DKK2: variants seen among roughly 807,000 people sequenced by gnomAD.
DKK2 encodes dickkopf Wnt signaling pathway inhibitor 2.
In DKK2, 11 loss-of-function variants were observed where a neutral mutation model predicts 28.1. The ratio of observed to expected loss-of-function variants is 0.39; its 90% confidence interval spans 0.25 to 0.65. DKK2 has a LOEUF of 0.65. DKK2 is among the 30% of genes least tolerant of loss of function. The pLI is 0.47. For missense variants in DKK2, 326 were observed against 335.5 expected (o/e 0.97, Z 0.22); for synonymous variants, 135 against 126.5 (o/e 1.07, Z -0.45).
chr4:106,938,210 A>C (rs1289721504), intron 1 of DKK2, among the ~76,000 whole-genome samples: 3 of 150,154 alleles, frequency 2.0e-5, no homozygotes, highest in African/African-American at 7.4e-5. Flanking sequence ...AACAAAATTG[A>C]TAGACCGCTA....
At chr4:106,979,860 C>A (rs1352983295) in intron 1 of DKK2, among the ~76,000 whole-genome samples, 1 of 152,184 alleles carries the variant, frequency 6.6e-6, no homozygotes, top group Non-Finnish European at 1.5e-5. Flanking sequence ...GTTTGCTCAG[C>A]CATGACATTG....
intron 1 of DKK2, among the ~76,000 whole-genome samples, chr4:107,024,419 T>C (rs17037243): frequency 0.24 from 36,031 of 151,996 alleles, 4,656 homozygotes; most frequent in East Asian, 0.53. Flanking sequence ...TACTAATTTT[T>C]AAAACAAATC....
chr4:106,971,339 C>T (rs1322251608), intron 1 of DKK2, among the ~76,000 whole-genome samples: 1 of 152,040 alleles, frequency 6.6e-6, no homozygotes, highest in Non-Finnish European at 1.5e-5. Flanking sequence ...ATAGTAGCCC[C>T]AGAATTCACT....
Position 106,964,999 on chromosome 4 carries a change from AGATAGATT to A in DKK2, c.223-39058_223-39051del, listed in dbSNP as rs1179157274. On this transcript the variant is annotated intron_variant, in intron 1 of 3. Transcript: ENST00000285311. Reference sequence around the variant, plus strand: ...TAGATAGATAGATAGATAGATAGATAGATAGATTGATTGATTCTGATTCTCTGGAAACT... The same window carrying A: ...TAGATAGATAGATAGATAGATAGATAGATTGATTCTGATTCTCTGGAAACT... 9.9e-3 allele frequency among the ~76,000 whole-genome samples: 1,485 copies of A among 149,852 alleles called. 16 individuals carry two copies. Among genetic ancestry groups the A allele is most frequent in the African/African-American group, 0.025 (1,013 of 39,868 alleles).
chr4:107,027,756 A>ATTTTTTTTTTTTTTTTTTTTTTTTTTTTT (rs71590176), intron 1 of DKK2, among the ~76,000 whole-genome samples: 9 of 135,302 alleles, frequency 6.7e-5, no homozygotes, highest in African/African-American at 2.2e-4. Context: ...ACCTATTATG[A>ATTTTTTTTTTTTTTTTTTTTTTTTTTTTT]TTTTTTTTTT....
chr4:106,954,272 C>A (rs1289844625), intron 1 of DKK2, among the ~76,000 whole-genome samples: 2 of 152,094 alleles, frequency 1.3e-5, no homozygotes, highest in African/African-American at 4.8e-5. Flanking sequence ...TGCATATGAA[C>A]TTCAAAGTTT....
chr4:107,025,251 A>G (rs111492091), intron 1 of DKK2, among the ~76,000 whole-genome samples: 54 of 152,126 alleles, frequency 3.5e-4, no homozygotes, highest in African/African-American at 1.2e-3. Flanking sequence ...ACAGTGCCCC[A>G]AGTTCTCTGC....
At chr4:106,985,763 C>T (rs1244798668) in intron 1 of DKK2, among the ~76,000 whole-genome samples, 2 of 146,020 alleles carry the variant, frequency 1.4e-5, no homozygotes, top group Non-Finnish European at 3.0e-5. Context: ...GAGCTGAGAT[C>T]ACAGATTGCA....
intron 1 of DKK2, among the ~76,000 whole-genome samples, chr4:106,947,567 C>T (rs567398780): frequency 1.2e-4 from 18 of 152,036 alleles, no homozygotes; most frequent in South Asian, 4.2e-4. Flanking sequence ...ATATCTGTAC[C>T]GTACCTTCTC....
intron 1 of DKK2, among the ~76,000 whole-genome samples, chr4:106,953,642 T>C (rs751899087): frequency 5.3e-5 from 8 of 152,188 alleles, no homozygotes; most frequent in Admixed American, 5.2e-4. Flanking sequence ...CAGAGGCTAC[T>C]GAGAGAATAC....
intron 1 of DKK2, among the ~76,000 whole-genome samples, chr4:106,985,110 G>A (rs1723096672): frequency 6.6e-6 from 1 of 151,556 alleles, no homozygotes; most frequent in Admixed American, 6.6e-5. Flanking sequence ...TAGGCAGGCT[G>A]AGGCAGGAGA....
intron 1 of DKK2, among the ~76,000 whole-genome samples, chr4:106,968,420 A>T (rs774131382): frequency 3.9e-5 from 6 of 152,126 alleles, no homozygotes; most frequent in Non-Finnish European, 7.4e-5. Context: ...GTTCTCACAC[A>T]AGCCTTCTCT....
intron 1 of DKK2, among the ~76,000 whole-genome samples, chr4:106,957,339 G>C (rs1722609576): frequency 6.6e-6 from 1 of 151,894 alleles, no homozygotes. Flanking sequence ...GTGGAAGTCA[G>C]TGTGGCGATT....
intron 1 of DKK2, among the ~76,000 whole-genome samples, chr4:106,958,752 G>T (rs1452155270): frequency 1.3e-5 from 2 of 149,774 alleles, no homozygotes; most frequent in Admixed American, 6.8e-5. Context: ...CAGGAGAATC[G>T]CCTGAACCCC....
At chr4:106,988,461 C>T (rs1723157521) in intron 1 of DKK2, among the ~76,000 whole-genome samples, 1 of 152,100 alleles carries the variant, frequency 6.6e-6, no homozygotes, top group Admixed American at 6.5e-5. Context: ...ATTATGTACC[C>T]AAAAGATTCC....
At chr4:106,937,286 TG>T (rs1724606000) in intron 1 of DKK2, among the ~76,000 whole-genome samples, 1 of 133,878 alleles carries the variant, frequency 7.5e-6, no homozygotes, top group South Asian at 2.6e-4. Flanking sequence ...ACCAAGCAAA[TG>T]GAAAACAAAA....
chr4:106,952,632 C>T (rs1210601716), intron 1 of DKK2, among the ~76,000 whole-genome samples: 1 of 152,070 alleles, frequency 6.6e-6, no homozygotes, highest in Non-Finnish European at 1.5e-5. Context: ...AATGTCAATA[C>T]ATATTCAGTG....
intron 1 of DKK2, among the ~76,000 whole-genome samples, chr4:106,932,481 T>C (rs1336579792): frequency 1.3e-5 from 2 of 152,198 alleles, no homozygotes; most frequent in Non-Finnish European, 2.9e-5. Flanking sequence ...AATACTGATA[T>C]TGATCATGGG....
chr4:106,959,290 G>C (rs1009754342), intron 1 of DKK2, among the ~76,000 whole-genome samples: 1 of 152,080 alleles, frequency 6.6e-6, no homozygotes, highest in Non-Finnish European at 1.5e-5. Context: ...TTATTAAGCT[G>C]TTTTTATGAG....
Sources: allele counts gnomAD v4.1 joint callset (sites outside exome capture counted in the v4.1 genomes callset), GRCh38; gene constraint gnomAD v4.1.1; transcripts MANE v1.5; gene names NCBI Gene and HGNC (gene_info 2026-07-23, HGNC 2026-07-21).